TYR: variants seen among roughly 807,000 people sequenced by gnomAD.
TYR encodes LB24-AB.
TYR carries 58 observed loss-of-function variants against 51.5 expected under a neutral mutation model. The ratio of observed to expected loss-of-function variants is 1.13; its 90% CI spans 0.91 to 1.40. TYR has a LOEUF of 1.40. TYR is among the 40% of genes most tolerant of loss of function. The pLI is 0.00. For missense variants in TYR, 732 were observed against 647.4 expected, an observed-to-expected ratio of 1.13 and a Z score of -1.42; for synonymous variants, 263 against 235.2, an observed-to-expected ratio of 1.12 and a Z score of -1.08.
intron 3 of TYR, among the ~76,000 whole-genome samples, chr11:89,243,573 A>C (rs1394406855): frequency 6.6e-6 from 1 of 152,204 alleles, no homozygotes; most frequent in Admixed American, 6.5e-5. Flanking sequence ...CAAGATCTTG[A>C]ATTATAATTT....
chr11:89,274,148 T>C (rs1288269742), intron 3 of TYR, among the ~76,000 whole-genome samples: 1 of 151,896 alleles, frequency 6.6e-6, no homozygotes, highest in African/African-American at 2.4e-5. Flanking sequence ...GTTTGCAGAA[T>C]TGTTAAGTAT....
intron 2 of TYR, among the ~76,000 whole-genome samples, chr11:89,219,098 C>T (rs1164083724): frequency 6.6e-6 from 1 of 152,060 alleles, no homozygotes; most frequent in Non-Finnish European, 1.5e-5. Flanking sequence ...CCTTTTATTG[C>T]AATAATGAAA....
chr11:89,245,081 T>C (rs1474852752), intron 3 of TYR, among the ~76,000 whole-genome samples: 1 of 152,214 alleles, frequency 6.6e-6, no homozygotes, highest in African/African-American at 2.4e-5. Flanking sequence ...GATACTATTG[T>C]TTGGAATACA....
intron 3 of TYR, among the ~76,000 whole-genome samples, chr11:89,279,486 T>C (rs562738494): frequency 2.0e-5 from 3 of 151,786 alleles, no homozygotes; most frequent in Admixed American, 1.3e-4. Context: ...TACTCTTTTG[T>C]CCAAATTTCT....
Position 89,282,208 on chromosome 11 carries a change from T to C in TYR, c.1185-2565T>C, listed in dbSNP as rs1370327466. On this transcript the variant is annotated intron_variant, in intron 3 of 4. Coordinates refer to ENST00000263321, the MANE Select transcript of TYR (RefSeq NM_000372.5). ...TGGCAGAAACAAGATTATTTATAAA[T>C]TGAACTATAGAAGTAATTTTTCTCG... Among the ~76,000 whole-genome samples, 6 of 151,818 alleles carry C rather than the reference T, an allele frequency of 4.0e-5. No homozygotes were observed. The East Asian group carries it at 9.7e-4, about 25-fold the overall frequency.
intron 2 of TYR, among the ~76,000 whole-genome samples, chr11:89,191,684 C>T (rs1218633526): frequency 6.6e-6 from 1 of 152,038 alleles, no homozygotes; most frequent in Admixed American, 6.6e-5. Context: ...CACTTGAACT[C>T]AGAAGTTTCA....
chr11:89,255,190 T>C (rs1380243677), intron 3 of TYR, among the ~76,000 whole-genome samples: 1 of 151,768 alleles, frequency 6.6e-6, no homozygotes, highest in Non-Finnish European at 1.5e-5. Flanking sequence ...TTGATATAAT[T>C]TCAATTTTCT....
chr11:89,217,661 C>T (rs992838667), intron 2 of TYR, among the ~76,000 whole-genome samples: 13 of 152,160 alleles, frequency 8.5e-5, no homozygotes, highest in Non-Finnish European at 1.9e-4. Flanking sequence ...GTTTGAGTCT[C>T]TTCGTTGTTT....
At chr11:89,293,666 A>T (rs1272785735) in intron 4 of TYR, 1 of 156,600 alleles carries the variant, frequency 6.4e-6, no homozygotes, top group African/African-American at 2.4e-5. Flanking sequence ...ACTGATTTTC[A>T]TTAGAATGTA....
intron 1 of TYR, among the ~76,000 whole-genome samples, chr11:89,190,063 C>T (rs1943422404): frequency 6.6e-6 from 1 of 152,088 alleles, no homozygotes; most frequent in African/African-American, 2.4e-5. Flanking sequence ...GTATAAAAGT[C>T]TAGCACATAG....
chr11:89,226,053 T>G (rs1361575391), intron 2 of TYR, among the ~76,000 whole-genome samples: 1 of 152,054 alleles, frequency 6.6e-6, no homozygotes, highest in East Asian at 1.9e-4. Flanking sequence ...GGGACCTACT[T>G]TAAAAAGTGT....
At chr11:89,188,022 A>T (rs1299852154) in intron 1 of TYR, among the ~76,000 whole-genome samples, 1 of 149,780 alleles carries the variant, frequency 6.7e-6, no homozygotes, top group Non-Finnish European at 1.5e-5. Context: ...GTGTGTGGTG[A>T]GACAGTAAAA....
Position 89,178,256 on chromosome 11 carries a change from A to C in TYR, c.303A>C (p.Gly101=). The C allele has an allele frequency of 6.2e-7, 1 of 1,614,218 alleles. No individual in the cohort carries two copies. The highest frequency in any genetic ancestry group is 1.1e-5 in the South Asian group (1 of 91,086). Residue 101 remains glycine (G), a synonymous_variant, in exon 1 of 5, where the codon GGA becomes GGC. Transcript: ENST00000263321. ...GCAACTTCATGGGATTCAACTGTGG[A>C]AACTGCAAGTTTGGCTTTTGGGGAC... ...CSGNFMGFNC[G]NCKFGFWGPN...
intron 3 of TYR, among the ~76,000 whole-genome samples, chr11:89,246,783 A>G (rs1419971979): frequency 2.0e-5 from 3 of 152,054 alleles, no homozygotes. Flanking sequence ...CAGCCCAGAA[A>G]CAGTCCAACC....
At chr11:89,264,919 A>G (rs1260167026) in intron 3 of TYR, among the ~76,000 whole-genome samples, 2 of 152,058 alleles carry the variant, frequency 1.3e-5, no homozygotes, top group African/African-American at 4.8e-5. Flanking sequence ...CACTCCTTCA[A>G]GGAAATCTGT....
intron 3 of TYR, among the ~76,000 whole-genome samples, chr11:89,238,801 A>T (rs1385878968): frequency 6.6e-6 from 1 of 152,130 alleles, no homozygotes; most frequent in African/African-American, 2.4e-5. Flanking sequence ...TCACAAAAGG[A>T]TGTTAAACTT....
At chr11:89,207,883 G>A (rs373135898) in intron 2 of TYR, among the ~76,000 whole-genome samples, 2 of 152,004 alleles carry the variant, frequency 1.3e-5, no homozygotes, top group Non-Finnish European at 2.9e-5. Flanking sequence ...TTTTTTCAAG[G>A]TTACCATTGA....
At chr11:89,253,443 T>C (rs542267521) in intron 3 of TYR, among the ~76,000 whole-genome samples, 2 of 151,958 alleles carry the variant, frequency 1.3e-5, no homozygotes, top group East Asian at 3.9e-4. Context: ...AGTCTACCCA[T>C]CCACGAGCAT....
intron 2 of TYR, among the ~76,000 whole-genome samples, chr11:89,195,932 A>T (rs113342591): frequency 2.0e-5 from 3 of 152,126 alleles, no homozygotes; most frequent in African/African-American, 7.2e-5. Flanking sequence ...GGAGAATGGG[A>T]CATGGGGACT....
Sources: gnomAD v4.1 joint callset for allele counts (sites outside exome capture counted in the v4.1 genomes callset) on GRCh38, gnomAD v4.1.1 for gene constraint, MANE v1.5 for transcripts, NCBI Gene and HGNC (gene_info 2026-07-23, HGNC 2026-07-21) for gene names.